The following SUSD4 variants were observed in gnomAD, a reference collection of about 807,000 sequenced individuals.
SUSD4 encodes the protein sushi domain containing 4.
Under a neutral mutation model 50.5 loss-of-function variants are expected in SUSD4, and 41 were observed. The observed-to-expected ratio is 0.81, with a 90% CI of 0.63 to 1.05. The LOEUF (loss-of-function observed/expected upper bound fraction) is 1.05. Ranked by LOEUF, SUSD4 falls within the 50% of genes least tolerant of loss-of-function variation. The pLI is 0.00. For synonymous variants in SUSD4, 257 were observed against 257.3 expected (o/e 1.00, Z 0.01); for missense variants, 580 against 634.7 (o/e 0.91, Z 0.93).
intron 5 of SUSD4, among the ~76,000 whole-genome samples, chr1:223,252,409 T>C (rs1180373605): frequency 6.6e-6 from 1 of 151,584 alleles, no homozygotes; most frequent in African/African-American, 2.4e-5. Context: ...GAAACCAGGT[T>C]GGGGATCGTT....
intron 5 of SUSD4, among the ~76,000 whole-genome samples, chr1:223,253,093 CAAAAAAAAAAAA>C (rs1661446972): frequency 8.4e-6 from 1 of 118,586 alleles, no homozygotes; most frequent in Non-Finnish European, 1.8e-5. Context: ...GCTCCGTTTC[CAAAAAAAAAAAA>C]GAAAAAGAAA....
chr1:223,343,819 A>G (rs1021707651), intron 2 of SUSD4, among the ~76,000 whole-genome samples: 1 of 152,190 alleles, frequency 6.6e-6, no homozygotes, highest in Non-Finnish European at 1.5e-5. Flanking sequence ...GTCCCTGTGC[A>G]ACTGCTGTAG....
rs1659277261 is a variant in SUSD4 at position 223,223,497 on chromosome 1, C to T, written c.1196G>A (p.Gly399Asp). The change falls in exon 8 of 9, where the codon GGC (glycine) becomes GAC (aspartate). Residue 399 changes from glycine (G) to aspartate (D), a missense_variant. Transcript: ENST00000366878. Reference sequence around the variant, plus strand: ...GTCCACGGGTAAGGGGCAGCCCTGGCCCACAGAGGCCATGTACCCGGGGCC... The same window carrying T: ...GTCCACGGGTAAGGGGCAGCCCTGGTCCACAGAGGCCATGTACCCGGGGCC... ...ALGPGYMASVGQGCPLPVDDQ... is the reference protein window; with the variant it reads ...ALGPGYMASVDQGCPLPVDDQ... The T allele has an allele frequency of 1.9e-6, 3 of 1,613,256 alleles. No homozygotes were observed. The highest frequency in any genetic ancestry group is 2.5e-6 in the Non-Finnish European group (3 of 1,179,748).
At chr1:223,233,872 G>T (rs1413211921) in intron 5 of SUSD4, among the ~76,000 whole-genome samples, 3 of 150,366 alleles carry the variant, frequency 2.0e-5, no homozygotes, top group Admixed American at 6.6e-5. Context: ...ATTAGCAACA[G>T]GGCTTTTGTG....
chr1:223,322,767 T>C (rs1045420495), intron 2 of SUSD4, among the ~76,000 whole-genome samples: 5 of 152,230 alleles, frequency 3.3e-5, no homozygotes, highest in Admixed American at 6.5e-5. Flanking sequence ...TTATTCGTCA[T>C]GAATCTAACC....
chr1:223,338,012 G>T (rs2103290870), intron 2 of SUSD4, among the ~76,000 whole-genome samples: 1 of 152,318 alleles, frequency 6.6e-6, no homozygotes, highest in East Asian at 1.9e-4. Flanking sequence ...CTTTAAAAAG[G>T]TGAATGGAAA....
intron 5 of SUSD4, among the ~76,000 whole-genome samples, chr1:223,255,751 G>A (rs1558186206): frequency 1.3e-5 from 2 of 150,380 alleles, no homozygotes; most frequent in East Asian, 2.0e-4. Flanking sequence ...GCTATATCAA[G>A]TAAAAAAGGC....
At chr1:223,303,821 T>C (rs1255759419) in intron 2 of SUSD4, among the ~76,000 whole-genome samples, 1 of 152,210 alleles carries the variant, frequency 6.6e-6, no homozygotes, top group African/African-American at 2.4e-5. Context: ...TAACATAACA[T>C]CTGTATGCAG....
chr1:223,223,464 C>T lies in SUSD4; in HGVS notation c.1229G>A (p.Ser410Asn), dbSNP rs764221292. The T allele has an allele frequency of 5.6e-6, 9 of 1,613,852 alleles. No individual in the cohort carries two copies. Among genetic ancestry groups the T allele is most frequent in the Non-Finnish European group, 5.9e-6 (7 of 1,179,950 alleles). Reference sequence around the variant, plus strand: ...CCCTGAGCCGGGGTATGCTGGGGGGCTCTGGTCGTCCACGGGTAAGGGGCA... The same window carrying T: ...CCCTGAGCCGGGGTATGCTGGGGGGTTCTGGTCGTCCACGGGTAAGGGGCA... ...QGCPLPVDDQ[S>N]PPAYPGSGDT... is the part of the protein sequence containing the mutation. Residue 410 changes from serine (S) to asparagine (N), a missense_variant, in exon 8 of 9, where the codon AGC becomes AAC. Ser to Asn is a conservative substitution (Grantham distance 46). Coordinates refer to ENST00000366878, the MANE Select transcript of SUSD4 (RefSeq NM_017982.4).
At chr1:223,303,393 C>T (rs533137550) in intron 2 of SUSD4, among the ~76,000 whole-genome samples, 9 of 152,180 alleles carry the variant, frequency 5.9e-5, no homozygotes, top group South Asian at 4.1e-4. Flanking sequence ...GGGGAAGGAG[C>T]GGACAGGCAT....
At chr1:223,226,350 C>A (rs1467519244) in intron 7 of SUSD4, among the ~76,000 whole-genome samples, 1 of 152,174 alleles carries the variant, frequency 6.6e-6, no homozygotes, top group African/African-American at 2.4e-5. Flanking sequence ...CACCTCTGGG[C>A]CTGGGGAGGG....
Position 223,285,325 on chromosome 1 carries a change from C to T in SUSD4, c.361+7114G>A, listed in dbSNP as rs1255576029. ...CAGTGACTGGGGATGGGGCCAGGTT[C>T]TGGACAGATGTGTAGCGACGTTCCT... On this transcript the variant is annotated intron_variant, in intron 3 of 8. Coordinates refer to ENST00000366878, the MANE Select transcript of SUSD4 (RefSeq NM_017982.4). 1.3e-5 allele frequency among the ~76,000 whole-genome samples: 2 copies of T among 152,114 alleles called. 1 individual carries two copies. The highest frequency in any genetic ancestry group is 2.9e-5 in the Non-Finnish European group (2 of 68,022).
rs117398609 is a variant in SUSD4 at position 223,343,939 on chromosome 1, C to T, written c.148+19339G>A. On this transcript the variant is annotated intron_variant, in intron 2 of 8. Coordinates refer to ENST00000366878, the MANE Select transcript of SUSD4 (RefSeq NM_017982.4). ...AGAACATGGCCCAGATCCAAACCAA[C>T]GTGTCAACCTCTGTTGAGCCACCTC... Among the ~76,000 whole-genome samples, 1,118 of 152,258 alleles carry T rather than the reference C, an allele frequency of 7.3e-3. 37 individuals are homozygous for T. The East Asian group carries it at 0.11, about 15-fold the overall frequency.
At chr1:223,313,143 T>G (rs1240632680) in intron 2 of SUSD4, among the ~76,000 whole-genome samples, 2 of 152,080 alleles carry the variant, frequency 1.3e-5, no homozygotes, top group Non-Finnish European at 1.5e-5. Flanking sequence ...GCTAAAGAGG[T>G]GACTCAGGAT....
At chr1:223,282,413 G>GCA in intron 3 of SUSD4, among the ~76,000 whole-genome samples, 1 of 152,102 alleles carries the variant, frequency 6.6e-6, no homozygotes, top group Admixed American at 6.6e-5. Flanking sequence ...AAATCAATAT[G>GCA]CAAAAATCAC....
chr1:223,265,640 G>A (rs1293856740), intron 4 of SUSD4, among the ~76,000 whole-genome samples: 1 of 152,166 alleles, frequency 6.6e-6, no homozygotes, highest in Non-Finnish European at 1.5e-5. Context: ...GTGTGGAAGT[G>A]GGACCTGGAT....
intron 3 of SUSD4, among the ~76,000 whole-genome samples, chr1:223,276,182 C>G (rs910620518): frequency 1.3e-5 from 2 of 152,360 alleles, no homozygotes; most frequent in African/African-American, 4.8e-5. Flanking sequence ...AAACTGCTTT[C>G]TGGGGAAATC....
chr1:223,331,404 C>T (rs749436637), intron 2 of SUSD4, among the ~76,000 whole-genome samples: 1 of 152,152 alleles, frequency 6.6e-6, no homozygotes, highest in African/African-American at 2.4e-5. Flanking sequence ...CATTCCCAGC[C>T]AGCTGTGAAA....
intron 5 of SUSD4, among the ~76,000 whole-genome samples, chr1:223,258,545 T>C (rs962395867): frequency 6.6e-6 from 1 of 151,884 alleles, no homozygotes; most frequent in Non-Finnish European, 1.5e-5. Flanking sequence ...GGGGGCATTC[T>C]GGGTTTGGGG....
Sources: gnomAD v4.1 joint callset for allele counts (sites outside exome capture counted in the v4.1 genomes callset) on GRCh38, gnomAD v4.1.1 for gene constraint, MANE v1.5 for transcripts, NCBI Gene and HGNC (gene_info 2026-07-23, HGNC 2026-07-21) for gene names.